The following SNX8 variants were observed in gnomAD, a reference collection of about 807,000 sequenced individuals.
SNX8 encodes sorting nexin 8.
A neutral mutation model predicts 51.6 loss-of-function variants in SNX8; 25 were observed. The ratio of observed to expected loss-of-function variants is 0.48; its 90% CI spans 0.35 to 0.68. The LOEUF (loss-of-function observed/expected upper bound fraction) is 0.68. SNX8 is among the 30% of genes least tolerant of loss of function. SNX8 has a pLI of 0.00. For missense variants in SNX8, 695 were observed against 624.0 expected (o/e 1.11, Z -1.21); for synonymous variants, 324 against 277.0 (o/e 1.17, Z -1.68).
At chr7:2,347,778 T>C (rs867555317) in intron 1 of SNX8, among the ~76,000 whole-genome samples, 4 of 151,974 alleles carry the variant, frequency 2.6e-5, no homozygotes. Context: ...CCCAAGTAGC[T>C]GGAATTACAG....
chr7:2,351,088 G>A (rs1021388130), intron 1 of SNX8, among the ~76,000 whole-genome samples: 2 of 152,024 alleles, frequency 1.3e-5, no homozygotes, highest in Admixed American at 6.5e-5. Context: ...CTGTGCTCCC[G>A]GCCTGGGTGA....
chr7:2,257,290 A>T (rs1283689163), intron 9 of SNX8, 75 bp downstream of exon 9: 1 of 1,503,792 alleles, frequency 6.6e-7, no homozygotes, highest in Non-Finnish European at 8.9e-7. Context: ...GGAGCCCACC[A>T]GGACGGCTCC....
At chr7:2,351,145 T>C (rs909764915) in intron 1 of SNX8, among the ~76,000 whole-genome samples, 2 of 151,670 alleles carry the variant, frequency 1.3e-5, no homozygotes, top group East Asian at 3.9e-4. Flanking sequence ...AATCTACCCC[T>C]GGAAGCACAA....
chr7:2,320,730 T>C, intron 1 of SNX8, among the ~76,000 whole-genome samples: 1 of 150,960 alleles, frequency 6.6e-6, no homozygotes, highest in East Asian at 2.0e-4. Context: ...GCTCCGAAAA[T>C]ATAAACAAGG....
chr7:2,346,887 G>T (rs10447599), intron 1 of SNX8, among the ~76,000 whole-genome samples: 95,095 of 143,732 alleles, frequency 0.66, 32,140 homozygotes, highest in East Asian at 0.84. Flanking sequence ...ACCACTGTAC[G>T]CCAGCCTGGG....
intron 1 of SNX8, among the ~76,000 whole-genome samples, chr7:2,313,052 C>T (rs1008281459): frequency 5.3e-5 from 8 of 151,982 alleles, no homozygotes; most frequent in Admixed American, 2.0e-4. Context: ...CGCCCGCCAC[C>T]GCGCCTGGCT....
intron 1 of SNX8, among the ~76,000 whole-genome samples, chr7:2,321,030 T>C (rs1467542380): frequency 6.6e-6 from 1 of 151,852 alleles, no homozygotes. Context: ...AATAAATAAA[T>C]AAGTAAAATA....
intron 1 of SNX8, among the ~76,000 whole-genome samples, chr7:2,300,652 A>C (rs115585170): frequency 1.4e-5 from 2 of 146,382 alleles, no homozygotes; most frequent in Non-Finnish European, 3.0e-5. Context: ...TTTTTTTTTT[A>C]AATTATTGAG....
intron 1 of SNX8, among the ~76,000 whole-genome samples, chr7:2,351,018 A>C (rs998361976): frequency 3.9e-5 from 6 of 151,978 alleles, no homozygotes; most frequent in African/African-American, 9.7e-5. Flanking sequence ...ACTCAGGAGG[A>C]GGCGGCGGGA....
chr7:2,294,479 A>T (rs2115172788), intron 1 of SNX8, among the ~76,000 whole-genome samples: 1 of 152,280 alleles, frequency 6.6e-6, no homozygotes, highest in Middle Eastern at 3.4e-3. Context: ...CACTGTAAGT[A>T]GGTACATTTG....
chr7:2,309,907 C>T (rs886290158), intron 1 of SNX8: 34 of 469,980 alleles, frequency 7.2e-5, no homozygotes, highest in Middle Eastern at 3.5e-4. Context: ...TGAAGGAGCC[C>T]CGAGGGTCAG....
chr7:2,270,457 T>G (rs1795618048), intron 4 of SNX8, among the ~76,000 whole-genome samples: 1 of 148,694 alleles, frequency 6.7e-6, no homozygotes, highest in South Asian at 2.2e-4. Flanking sequence ...TGAGACCCCA[T>G]CTCTAAAAAC....
At position 2,325,554 on chromosome 7, in the gene SNX8, G is replaced by C. The variant is rs376474924; in HGVS notation, c.-66+28668C>G. 3.8e-4 allele frequency among the ~76,000 whole-genome samples: 58 copies of C among 152,248 alleles called. 2 individuals carry two copies. The South Asian group carries it at 6.0e-3, about 16-fold the overall frequency. ...TGTAATGAGGAATATCAGGCCAGGT[G>C]GGGTGGCTCATGCCTGTAATCTCAG... On this transcript the variant is annotated intron_variant, in intron 1 of 5. Coordinates refer to the SNX8 transcript ENST00000435336.
chr7:2,345,659 G>A (rs1338287216), intron 1 of SNX8, among the ~76,000 whole-genome samples: 4 of 147,834 alleles, frequency 2.7e-5, no homozygotes, highest in African/African-American at 7.3e-5. Flanking sequence ...TAGCCTGGGC[G>A]AGACAGAGTG....
chr7:2,259,643 TG>T (rs1198549593), intron 7 of SNX8, among the ~76,000 whole-genome samples: 2 of 152,142 alleles, frequency 1.3e-5, no homozygotes, highest in Admixed American at 6.5e-5. Flanking sequence ...CCAAAGCAGC[TG>T]GGATTCCAGC....
At chr7:2,335,066 T>G (rs1477269344) in intron 1 of SNX8, among the ~76,000 whole-genome samples, 1 of 150,946 alleles carries the variant, frequency 6.6e-6, no homozygotes, top group African/African-American at 2.4e-5. Flanking sequence ...TGTGGTTGTG[T>G]GCGCCTGTAA....
intron 1 of SNX8, among the ~76,000 whole-genome samples, chr7:2,350,743 C>G (rs1403169899): frequency 1.3e-5 from 2 of 152,060 alleles, no homozygotes; most frequent in South Asian, 2.1e-4. Context: ...GCCTCCTGGG[C>G]TCAAGTGATC....
chr7:2,329,299 AAAAT>A lies in SNX8; in HGVS notation c.-66+24919_-66+24922del, dbSNP rs200072097. Among the ~76,000 whole-genome samples the A allele has an allele frequency of 5.2e-4, 78 of 151,406 alleles. 1 individual carries two copies. The East Asian group carries it at 0.012, about 22-fold the overall frequency. Reference sequence around the variant, plus strand: ...AATAAATAAATAAAAATAAAAATAAAAAATAAATAAATAAAAATAAAATTTAAAA... The same window carrying A: ...AATAAATAAATAAAAATAAAAATAAAAAATAAATAAAAATAAAATTTAAAA... On this transcript the variant is annotated intron_variant, in intron 1 of 5. Coordinates refer to the SNX8 transcript ENST00000435336.
intron 1 of SNX8, among the ~76,000 whole-genome samples, chr7:2,337,844 A>G (rs1273349923): frequency 8.7e-6 from 1 of 115,090 alleles, no homozygotes; most frequent in Non-Finnish European, 1.9e-5. Flanking sequence ...AAATAAAAGG[A>G]TATCTTGTAA....
Sources: gnomAD v4.1 joint callset for allele counts (sites outside exome capture counted in the v4.1 genomes callset) on GRCh38, gnomAD v4.1.1 for gene constraint, MANE v1.5 for transcripts, NCBI Gene and HGNC (gene_info 2026-07-23, HGNC 2026-07-21) for gene names.